PDE4D: variants seen among roughly 807,000 people sequenced by gnomAD.
PDE4D encodes phosphodiesterase 4D.
Under a neutral mutation model 87.4 loss-of-function variants are expected in PDE4D, and 24 were observed. The ratio of observed to expected loss-of-function variants is 0.27; its 90% CI spans 0.20 to 0.39. The LOEUF is 0.39. Among genes scored for constraint, PDE4D ranks in the 10% least tolerant of loss-of-function variants. PDE4D has a pLI of 1.00. For missense variants in PDE4D, 714 were observed against 1,041.0 expected, an observed-to-expected ratio of 0.69 and a Z score of 4.32; for synonymous variants, 384 against 383.2, an observed-to-expected ratio of 1.00 and a Z score of -0.02.
chr5:59,251,425 A>G (rs1336904816), intron 1 of PDE4D, among the ~76,000 whole-genome samples: 1 of 152,180 alleles, frequency 6.6e-6, no homozygotes, highest in East Asian at 1.9e-4. Flanking sequence ...AGCATATGAA[A>G]AAACCCTTAA....
At chr5:59,880,777 G>C (rs1281822627) in intron 1 of PDE4D, among the ~76,000 whole-genome samples, 1 of 152,158 alleles carries the variant, frequency 6.6e-6, no homozygotes, top group East Asian at 1.9e-4. Flanking sequence ...GGGTCCTCAT[G>C]TCATGACTGC....
At chr5:59,971,068 G>A (rs1760691578) in intron 3 of PDE4D, among the ~76,000 whole-genome samples, 1 of 151,954 alleles carries the variant, frequency 6.6e-6, no homozygotes, top group Non-Finnish European at 1.5e-5. Context: ...GGACATGGAT[G>A]AAATTGGAAA....
At chr5:60,513,569 TA>T (rs1220714921) in intron 1 of PDE4D, among the ~76,000 whole-genome samples, 2 of 152,064 alleles carry the variant, frequency 1.3e-5, no homozygotes, top group Non-Finnish European at 2.9e-5. Flanking sequence ...AACATGATTT[TA>T]AAACTTCAAC....
intron 1 of PDE4D, among the ~76,000 whole-genome samples, chr5:60,315,272 C>T (rs1583393761): frequency 1.3e-5 from 2 of 152,300 alleles, no homozygotes; most frequent in East Asian, 3.9e-4. Flanking sequence ...CTTTTGGCTG[C>T]ATAAATGTCT....
chr5:60,073,174 G>T (rs1772916360), intron 2 of PDE4D, among the ~76,000 whole-genome samples: 1 of 152,038 alleles, frequency 6.6e-6, no homozygotes, highest in Non-Finnish European at 1.5e-5. Flanking sequence ...TTATTTTTCT[G>T]AGGTACGTTC....
At chr5:59,539,587 T>C (rs1447996263) in intron 1 of PDE4D, among the ~76,000 whole-genome samples, 4 of 152,158 alleles carry the variant, frequency 2.6e-5, no homozygotes, top group African/African-American at 9.7e-5. Flanking sequence ...CCAATTTTCT[T>C]TTGTGTTCCT....
intron 1 of PDE4D, among the ~76,000 whole-genome samples, chr5:60,457,159 C>T (rs561768518): frequency 2.4e-4 from 37 of 152,226 alleles, no homozygotes; most frequent in African/African-American, 3.6e-4. Flanking sequence ...ATAAAAGAGA[C>T]GAGACTTGTC....
Position 58,974,846 on chromosome 5 carries a change from T to G in PDE4D, c.2248A>C (p.Lys750Gln). The change falls in exon 15 of 15, where the codon AAG (lysine) becomes CAG (glutamine). Residue 750 changes from lysine to glutamine, a missense_variant. This residue lies in a region of PDE4D where 90 missense variants were observed against 95.3 expected (regional missense o/e 0.94). Coordinates refer to ENST00000340635, the MANE Select transcript of PDE4D (RefSeq NM_001104631.2). ...LEEDGESDTEKDSGSQVEEDT... is the reference protein window; with the variant it reads ...LEEDGESDTEQDSGSQVEEDT... ...TCTTCCACTTGACTGCCACTGTCCT[T>G]TTCCGTGTCTGACTCACCATCTTCC... 2 of 1,613,266 alleles carry G rather than the reference T, an allele frequency of 1.2e-6. No homozygotes were observed. Among genetic ancestry groups the G allele is most frequent in the Non-Finnish European group, 1.7e-6 (2 of 1,179,410 alleles).
intron 1 of PDE4D, among the ~76,000 whole-genome samples, chr5:59,285,320 C>A (rs1581763709): frequency 6.6e-6 from 1 of 151,770 alleles, no homozygotes; most frequent in African/African-American, 2.4e-5. Context: ...CAGAATAAAT[C>A]TTTGGTCAAC....
intron 1 of PDE4D, among the ~76,000 whole-genome samples, chr5:59,436,851 C>A (rs894884370): frequency 2.6e-5 from 4 of 152,122 alleles, no homozygotes; most frequent in Non-Finnish European, 5.9e-5. Flanking sequence ...CACATAAAGG[C>A]AAGTTTATTA....
chr5:59,249,297 T>A (rs957419028), intron 1 of PDE4D, among the ~76,000 whole-genome samples: 1 of 152,184 alleles, frequency 6.6e-6, no homozygotes, highest in Non-Finnish European at 1.5e-5. Context: ...GATAAAGATT[T>A]TTTTTAATGA....
At chr5:59,104,015 C>T (rs986414475) in intron 5 of PDE4D, among the ~76,000 whole-genome samples, 5 of 151,534 alleles carry the variant, frequency 3.3e-5, no homozygotes, top group African/African-American at 4.8e-5. Context: ...TAGTGATAAT[C>T]GAATTAGATA....
chr5:60,281,320 T>G (rs758243211), intron 1 of PDE4D, among the ~76,000 whole-genome samples: 1 of 151,574 alleles, frequency 6.6e-6, no homozygotes, highest in Non-Finnish European at 1.5e-5. Context: ...GTCGTTCCTG[T>G]GGAAATTTGC....
chr5:60,001,883 G>GAA (rs35443499), intron 2 of PDE4D, among the ~76,000 whole-genome samples: 1,602 of 134,318 alleles, frequency 0.012, 24 homozygotes, highest in African/African-American at 0.028. Flanking sequence ...AATTACAAAG[G>GAA]AAAAAAAAAA....
intron 1 of PDE4D, among the ~76,000 whole-genome samples, chr5:60,257,298 T>G (rs1749191484): frequency 6.6e-6 from 1 of 151,184 alleles, no homozygotes; most frequent in South Asian, 2.1e-4. Context: ...CACAACAAAA[T>G]CATATTTGGA....
At chr5:59,299,901 G>A (rs1039529384) in intron 1 of PDE4D, among the ~76,000 whole-genome samples, 2 of 152,152 alleles carry the variant, frequency 1.3e-5, no homozygotes, top group African/African-American at 4.8e-5. Flanking sequence ...CCTGAGGTCA[G>A]GAGTTTCAGA....
At chr5:60,299,202 T>C (rs1412929980) in intron 1 of PDE4D, among the ~76,000 whole-genome samples, 1 of 152,136 alleles carries the variant, frequency 6.6e-6, no homozygotes, top group Non-Finnish European at 1.5e-5. Flanking sequence ...GACCAACTTG[T>C]CACTAAAACC....
intron 1 of PDE4D, among the ~76,000 whole-genome samples, chr5:59,700,958 G>A (rs1459129173): frequency 2.6e-5 from 4 of 152,138 alleles, no homozygotes; most frequent in African/African-American, 9.7e-5. Context: ...TCAGCCCCTA[G>A]AATCTGATCT....
intron 1 of PDE4D, among the ~76,000 whole-genome samples, chr5:59,507,259 G>A (rs1007113002): frequency 1.3e-5 from 2 of 152,042 alleles, no homozygotes; most frequent in Non-Finnish European, 2.9e-5. Flanking sequence ...TTGAACCCTG[G>A]AGGCAGAGGC....
Sources: allele counts gnomAD v4.1 joint callset (sites outside exome capture counted in the v4.1 genomes callset), GRCh38; gene constraint gnomAD v4.1.1; regional missense constraint gnomAD v4.1.1; transcripts MANE v1.5; gene names NCBI Gene and HGNC (gene_info 2026-07-23, HGNC 2026-07-21).